The following GFOD1 variants were observed in gnomAD, a reference collection of about 807,000 sequenced individuals.
The protein encoded by GFOD1 is Gfo/Idh/MocA-like oxidoreductase domain containing 1, also known as glucose-fructose oxidoreductase domain-containing protein 1.
Under a neutral mutation model 25.4 loss-of-function variants are expected in GFOD1, and 9 were observed. The ratio of observed to expected loss-of-function variants is 0.35; its 90% CI spans 0.21 to 0.62. The LOEUF is 0.62. GFOD1 is among the 20% of genes least tolerant of loss of function. The probability of loss-of-function intolerance (pLI) is 0.72; values close to 1 mark genes in which losing one functional copy is unlikely to be tolerated. For synonymous variants in GFOD1, 253 were observed against 245.6 expected (o/e 1.03, Z -0.28); for missense variants, 403 against 556.9 (o/e 0.72, Z 2.78).
chr6:13,468,564 T>C (rs1758418625), intron 1 of GFOD1, among the ~76,000 whole-genome samples: 1 of 152,204 alleles, frequency 6.6e-6, no homozygotes, highest in African/African-American at 2.4e-5. Flanking sequence ...TCCCCAGTGA[T>C]TAAACAACCT....
At chr6:13,378,827 A>G (rs1166167338) in intron 1 of GFOD1, among the ~76,000 whole-genome samples, 1 of 152,124 alleles carries the variant, frequency 6.6e-6, no homozygotes, top group Non-Finnish European at 1.5e-5. Flanking sequence ...AAACACCTAG[A>G]GTGGCCAAAG....
chr6:13,380,072 C>A (rs1461131275), intron 1 of GFOD1, among the ~76,000 whole-genome samples: 8 of 152,210 alleles, frequency 5.3e-5, no homozygotes, highest in African/African-American at 1.9e-4. Context: ...AAGTCAATAA[C>A]AGACCCAAAT....
intron 1 of GFOD1, among the ~76,000 whole-genome samples, chr6:13,387,398 A>T (rs1320759448): frequency 6.6e-6 from 1 of 152,214 alleles, no homozygotes; most frequent in Non-Finnish European, 1.5e-5. Context: ...ATCCAGCAGC[A>T]CATCAAAAAG....
chr6:13,474,218 A>T (rs946884792), intron 1 of GFOD1, among the ~76,000 whole-genome samples: 3 of 152,040 alleles, frequency 2.0e-5, no homozygotes, highest in African/African-American at 7.2e-5. Context: ...TGTCTCTACT[A>T]AAAATACAAA....
Position 13,362,198 on chromosome 6 carries a change from C to T in GFOD1, c.*2545G>A, listed in dbSNP as rs990382976. On this transcript the variant is annotated 3_prime_UTR_variant, in exon 2 of 2. Transcript: ENST00000379287. The stretch of plus-strand genomic sequence containing the variant: ...CCAGAATCAGCTGGGTGTGGTGGCT[C>T]ACGCCTGCAACCCCAGCACTTTGCA... 6.6e-6 allele frequency: 1 copy of T among 152,106 alleles called. No homozygotes were observed. Among genetic ancestry groups the T allele is most frequent in the African/African-American group, 2.4e-5 (1 of 41,408 alleles). The allele number at this position is 152,106 out of a possible 1,614,324, so 9.4% of individuals were successfully genotyped here. A position where few individuals can be genotyped will look rare whatever the true frequency, so the allele number is the denominator to read the frequency against.
intron 1 of GFOD1, among the ~76,000 whole-genome samples, chr6:13,463,865 A>C (rs982777421): frequency 1.3e-5 from 2 of 152,198 alleles, no homozygotes; most frequent in Non-Finnish European, 2.9e-5. Context: ...ATATCTATCC[A>C]GCAGGGTCTT....
chr6:13,400,218 A>C (rs920866018), intron 1 of GFOD1, among the ~76,000 whole-genome samples: 3 of 152,228 alleles, frequency 2.0e-5, no homozygotes, highest in African/African-American at 4.8e-5. Context: ...TGGCAGTCAC[A>C]TTGGGGGTGG....
chr6:13,424,260 G>T (rs1786312402), intron 1 of GFOD1, among the ~76,000 whole-genome samples: 1 of 152,144 alleles, frequency 6.6e-6, no homozygotes, highest in African/African-American at 2.4e-5. Context: ...CTCTACAATG[G>T]GTTGGAGGCT....
chr6:13,486,041 T>C (rs1758857749), intron 1 of GFOD1: 1 of 985,914 alleles, frequency 1.0e-6, no homozygotes, highest in African/African-American at 1.7e-5. Flanking sequence ...TTCCAGCCGA[T>C]GGTAACATCT....
At chr6:13,443,193 A>G (rs908487299) in intron 1 of GFOD1, among the ~76,000 whole-genome samples, 2 of 152,220 alleles carry the variant, frequency 1.3e-5, no homozygotes, top group Non-Finnish European at 2.9e-5. Flanking sequence ...TGGAGCCTGA[A>G]GATGTGACTG....
At chr6:13,393,803 G>A (rs1271402204) in intron 1 of GFOD1, among the ~76,000 whole-genome samples, 11 of 120,932 alleles carry the variant, frequency 9.1e-5, no homozygotes, top group African/African-American at 6.0e-5. Flanking sequence ...TTTTTGAGAC[G>A]GAGTTTCGCT....
chr6:13,410,362 G>T (rs116329810), intron 1 of GFOD1, among the ~76,000 whole-genome samples: 2,686 of 152,220 alleles, frequency 0.018, 88 homozygotes, highest in African/African-American at 0.059. Flanking sequence ...GAGGTCAGGT[G>T]TTTGAGACCA....
intron 1 of GFOD1, among the ~76,000 whole-genome samples, chr6:13,480,587 C>T (rs1758726304): frequency 6.6e-6 from 1 of 152,100 alleles, no homozygotes; most frequent in Non-Finnish European, 1.5e-5. Context: ...TGATCTGGGC[C>T]TTGACCTCCA....
chr6:13,443,709 G>A (rs1374699184), intron 1 of GFOD1, among the ~76,000 whole-genome samples: 3 of 151,618 alleles, frequency 2.0e-5, no homozygotes, highest in African/African-American at 4.9e-5. Context: ...CCAGCTACTC[G>A]GGAGGCTGAA....
intron 1 of GFOD1, among the ~76,000 whole-genome samples, chr6:13,454,731 T>C (rs1298097995): frequency 6.6e-6 from 1 of 152,166 alleles, no homozygotes; most frequent in Non-Finnish European, 1.5e-5. Flanking sequence ...ACTGATGATA[T>C]TCTCCACCCT....
At chr6:13,398,910 C>T (rs982902693) in intron 1 of GFOD1, among the ~76,000 whole-genome samples, 3 of 152,170 alleles carry the variant, frequency 2.0e-5, no homozygotes, top group Admixed American at 1.3e-4. Context: ...TGATTTGACT[C>T]GTTGTTATTT....
rs529297618 is a variant in GFOD1, at chr6:13,480,762, T to G, written c.253+5876A>C. On this transcript the variant is annotated intron_variant, in intron 1 of 1. Coordinates refer to ENST00000379287, the MANE Select transcript of GFOD1 (RefSeq NM_018988.4). ...TCCGTCTCCCGAAGTGCTGGGATTA[T>G]AGGTGTAAGCCACTGTGCCTGACCT... Among the ~76,000 whole-genome samples, 3 of 152,304 alleles carry G rather than the reference T, an allele frequency of 2.0e-5. No homozygotes were observed. The South Asian group carries it at 6.2e-4, about 32-fold the overall frequency.
intron 1 of GFOD1, among the ~76,000 whole-genome samples, chr6:13,396,269 G>C (rs945797456): frequency 1.1e-4 from 16 of 152,174 alleles, no homozygotes; most frequent in Admixed American, 2.0e-4. Flanking sequence ...CCCTCTTATG[G>C]ATCAGAAAAT....
At chr6:13,446,851 C>T (rs909550859) in intron 1 of GFOD1, among the ~76,000 whole-genome samples, 1 of 152,244 alleles carries the variant, frequency 6.6e-6, no homozygotes, top group Non-Finnish European at 1.5e-5. Flanking sequence ...CTGGCAGCAA[C>T]AACATCCTTC....
Sources: gnomAD v4.1 joint callset for allele counts (sites outside exome capture counted in the v4.1 genomes callset) on GRCh38, gnomAD v4.1.1 for gene constraint, MANE v1.5 for transcripts, NCBI Gene and HGNC (gene_info 2026-07-23, HGNC 2026-07-21) for gene names.